The following ZNF385D variants were observed in gnomAD, a reference collection of about 807,000 sequenced individuals.
ZNF385D encodes the protein zinc finger protein 385D, also known as zinc finger protein 659.
In ZNF385D, 15 loss-of-function variants were observed where a neutral mutation model predicts 35.8. The observed-to-expected ratio is 0.42, with a 90% confidence interval of 0.28 to 0.64. The LOEUF (loss-of-function observed/expected upper bound fraction) is 0.64, where lower values mean the gene tolerates loss of function less well. ZNF385D is among the 30% of genes least tolerant of loss of function. The probability of loss-of-function intolerance (pLI) is 0.23; values close to 1 mark genes in which losing one functional copy is unlikely to be tolerated. For synonymous variants in ZNF385D, 212 were observed against 186.8 expected (o/e 1.13, Z -1.10); for missense variants, 474 against 494.6 (o/e 0.96, Z 0.39).
chr3:22,153,516 T>G (rs1438911155), intron 3 of ZNF385D, among the ~76,000 whole-genome samples: 1 of 146,306 alleles, frequency 6.8e-6, no homozygotes, highest in East Asian at 2.0e-4. Context: ...CAGGCTGGAG[T>G]GCAGTGGCAC....
At chr3:21,430,203 G>A (rs1293205247) in intron 5 of ZNF385D, among the ~76,000 whole-genome samples, 3 of 151,900 alleles carry the variant, frequency 2.0e-5, no homozygotes, top group Non-Finnish European at 4.4e-5. Context: ...CACCTGGAAT[G>A]GCATCTAGGT....
intron 3 of ZNF385D, among the ~76,000 whole-genome samples, chr3:22,152,920 C>A (rs183598359): frequency 1.3e-5 from 2 of 152,152 alleles, no homozygotes; most frequent in Non-Finnish European, 2.9e-5. Flanking sequence ...GTGGTGAAAT[C>A]TTGCACTGGT....
At chr3:22,139,596 C>A (rs1280468726) in intron 3 of ZNF385D, among the ~76,000 whole-genome samples, 3 of 149,988 alleles carry the variant, frequency 2.0e-5, no homozygotes, top group African/African-American at 7.4e-5. Context: ...AGGGGAACAT[C>A]ACACACTGGG....
chr3:22,034,545 G>GA (rs1698198277), intron 3 of ZNF385D, among the ~76,000 whole-genome samples: 1 of 151,830 alleles, frequency 6.6e-6, no homozygotes. Context: ...TTAAAATGAG[G>GA]AAAAAAGAAA....
intron 3 of ZNF385D, among the ~76,000 whole-genome samples, chr3:21,999,290 T>C (rs1695685741): frequency 6.6e-6 from 1 of 152,202 alleles, no homozygotes; most frequent in Non-Finnish European, 1.5e-5. Context: ...TCTTAACTGT[T>C]GCACCTATCT....
chr3:22,198,198 A>T (rs1011644540), intron 2 of ZNF385D, among the ~76,000 whole-genome samples: 1 of 152,144 alleles, frequency 6.6e-6, no homozygotes, highest in Non-Finnish European at 1.5e-5. Context: ...AATTTCTAGT[A>T]GCTGGATTTG....
At chr3:21,874,810 T>A (rs1697878686) in intron 3 of ZNF385D, among the ~76,000 whole-genome samples, 1 of 152,112 alleles carries the variant, frequency 6.6e-6, no homozygotes, top group Admixed American at 6.6e-5. Context: ...GCACTGGATC[T>A]GCTTTGGGAA....
chr3:21,546,187 A>G (rs539379737), intron 3 of ZNF385D, among the ~76,000 whole-genome samples: 1 of 152,202 alleles, frequency 6.6e-6, no homozygotes, highest in East Asian at 1.9e-4. Flanking sequence ...TTTTGCCTAC[A>G]TTTTACACTA....
At chr3:22,109,952 A>G (rs1022942833) in intron 3 of ZNF385D, among the ~76,000 whole-genome samples, 3 of 152,328 alleles carry the variant, frequency 2.0e-5, no homozygotes, top group African/African-American at 4.8e-5. Flanking sequence ...CAAGAAAAAA[A>G]CAAACCCATC....
intron 3 of ZNF385D, among the ~76,000 whole-genome samples, chr3:22,073,958 T>TA (rs1487709264): frequency 3.9e-5 from 6 of 151,978 alleles, no homozygotes; most frequent in African/African-American, 7.2e-5. Context: ...ACATCATTAT[T>TA]AAAAATCTAT....
At chr3:21,737,285 G>A (rs1282022064) in intron 1 of ZNF385D, among the ~76,000 whole-genome samples, 5 of 152,114 alleles carry the variant, frequency 3.3e-5, no homozygotes, top group African/African-American at 9.7e-5. Context: ...GATAGTCATT[G>A]TTTTTACTAG....
intron 2 of ZNF385D, among the ~76,000 whole-genome samples, chr3:22,331,510 G>T (rs1197360960): frequency 6.6e-6 from 1 of 151,950 alleles, no homozygotes; most frequent in African/African-American, 2.4e-5. Flanking sequence ...ATTACCTAAC[G>T]CATACTCGTA....
chr3:22,158,642 G>T (rs907362393), intron 3 of ZNF385D, among the ~76,000 whole-genome samples: 5 of 151,816 alleles, frequency 3.3e-5, no homozygotes, highest in African/African-American at 1.2e-4. Context: ...ACTATTTAGT[G>T]AATTGAATCT....
chr3:22,121,204 C>G (rs1445665404), intron 3 of ZNF385D, among the ~76,000 whole-genome samples: 1 of 152,140 alleles, frequency 6.6e-6, no homozygotes, highest in African/African-American at 2.4e-5. Flanking sequence ...TCTAAACACT[C>G]ACTGTCTTAG....
At chr3:21,505,961 C>G (rs1408670568) in intron 4 of ZNF385D, among the ~76,000 whole-genome samples, 1 of 152,100 alleles carries the variant, frequency 6.6e-6, no homozygotes, top group Non-Finnish European at 1.5e-5. Context: ...CCTCGAAGTA[C>G]CTATTCTCAG....
At chr3:21,876,903 G>C (rs1698005408) in intron 3 of ZNF385D, among the ~76,000 whole-genome samples, 1 of 151,964 alleles carries the variant, frequency 6.6e-6, no homozygotes, top group South Asian at 2.1e-4. Context: ...AAGAATCATT[G>C]TTTACATTAT....
chr3:22,345,911 A>G (rs1695637639), intron 2 of ZNF385D, among the ~76,000 whole-genome samples: 1 of 152,182 alleles, frequency 6.6e-6, no homozygotes, highest in Non-Finnish European at 1.5e-5. Context: ...GGGCTATTCC[A>G]GTTCTAGTGC....
chr3:21,799,810 G>C (rs1031958897), intron 3 of ZNF385D, among the ~76,000 whole-genome samples: 6 of 151,994 alleles, frequency 3.9e-5, no homozygotes, highest in Admixed American at 6.6e-5. Context: ...GAAACGATAT[G>C]TAAAAATTCA....
rs970369329 is a variant in ZNF385D, at chr3:22,075,759, C to A, written c.325+93058G>T. On this transcript the variant is annotated intron_variant, in intron 3 of 5. Coordinates refer to the ZNF385D transcript ENST00000494108. ...TCTCACATCTATCCCAGATTTTTCT[C>A]TGAGCTTTAGCTTCAAATATTTAAC... 5.9e-5 allele frequency among the ~76,000 whole-genome samples: 9 copies of A among 151,946 alleles called. No homozygotes were observed. In the East Asian group the frequency reaches 1.7e-3, roughly 29 times the overall value.
Sources: allele counts gnomAD v4.1 joint callset (sites outside exome capture counted in the v4.1 genomes callset), GRCh38; gene constraint gnomAD v4.1.1; transcripts MANE v1.5; gene names NCBI Gene and HGNC (gene_info 2026-07-23, HGNC 2026-07-21).